NBEA: variants seen among roughly 807,000 people sequenced by gnomAD.
The protein encoded by NBEA is lysosomal-trafficking regulator 2.
Under a neutral mutation model 343.4 loss-of-function variants are expected in NBEA, and 44 were observed. The observed-to-expected ratio is 0.13, with a 90% CI of 0.10 to 0.16. The LOEUF is 0.16. Among genes scored for constraint, NBEA ranks in the 10% least tolerant of loss-of-function variants. The pLI, the probability that NBEA is intolerant of heterozygous loss-of-function variation, is 1.00. For missense variants in NBEA, 2,555 were observed against 3,631.3 expected (o/e 0.70, Z 7.62); for synonymous variants, 1,175 against 1,238.7 (o/e 0.95, Z 1.08).
intron 41 of NBEA, among the ~76,000 whole-genome samples, chr13:35,545,430 G>C (rs531125693): frequency 6.6e-6 from 1 of 152,270 alleles, no homozygotes; most frequent in East Asian, 1.9e-4. Context: ...GTGCCTGTGA[G>C]CAGAGCAGGG....
intron 1 of NBEA, among the ~76,000 whole-genome samples, chr13:35,027,501 T>G (rs1423203723): frequency 9.2e-5 from 14 of 152,052 alleles, no homozygotes; most frequent in Admixed American, 3.9e-4. Flanking sequence ...TTTGATCAAA[T>G]GCGTGTTCAT....
chr13:35,459,540 G>C (rs907028969), intron 40 of NBEA, among the ~76,000 whole-genome samples: 3 of 151,522 alleles, frequency 2.0e-5, no homozygotes, highest in African/African-American at 7.3e-5. Flanking sequence ...CACTACCTCT[G>C]GGTAACTCAA....
chr13:35,171,252 A>T lies in NBEA; in HGVS notation c.4243-20A>T, dbSNP rs775318677. ...ATTTCCAAATTTTAAACAAGACTTA[A>T]ATCTTCTACTTTTTTAAAGACGGAA... On this transcript the variant is annotated intron_variant, in intron 25 of 58. Coordinates refer to ENST00000379939, the MANE Select transcript of NBEA (RefSeq NM_001385012.1). The T allele has an allele frequency of 6.2e-7, 1 of 1,602,572 alleles. No individual in the cohort carries two copies. Among genetic ancestry groups the T allele is most frequent in the South Asian group, 1.1e-5 (1 of 90,082 alleles).
At position 35,159,582 on chromosome 13, in the gene NBEA, A is replaced by G; in HGVS notation, c.3411A>G (p.Glu1137=). 1 of 1,612,408 alleles carries G rather than the reference A, an allele frequency of 6.2e-7. No individual in the cohort carries two copies. The highest frequency in any genetic ancestry group is 1.1e-5 in the South Asian group (1 of 90,952). ...TGATAACATTAGCAGATGAGAAAGA[A>G]GACCTTCCCAATAGTAGTACATCAT... ...GPLITLADEK[E]DLPNSSTSFL... is the part of the protein sequence containing the mutation. The change falls in exon 22 of 59, where the codon GAA becomes GAG. Residue 1137 remains glutamate (E), a synonymous_variant. Coordinates refer to ENST00000379939, the MANE Select transcript of NBEA (RefSeq NM_001385012.1).
rs375385566 is a variant in NBEA at position 35,650,457 on chromosome 13, G to A, written c.7963+610G>A. On this transcript the variant is annotated intron_variant, in intron 52 of 58. Transcript: ENST00000379939. ...AGTACCAGCCAGTACATCTTGAAGCGACATAACGTTGTGGCAAACATTTAG... is the reference window on the plus strand; with the variant it reads ...AGTACCAGCCAGTACATCTTGAAGCAACATAACGTTGTGGCAAACATTTAG... Among the ~76,000 whole-genome samples the A allele has an allele frequency of 2.2e-4, 34 of 152,208 alleles. No homozygotes were observed. In the South Asian group the frequency reaches 6.9e-3, roughly 31 times the overall value.
At chr13:35,067,417 CT>C (rs1373298332) in intron 8 of NBEA, among the ~76,000 whole-genome samples, 1 of 152,024 alleles carries the variant, frequency 6.6e-6, no homozygotes, top group Non-Finnish European at 1.5e-5. Flanking sequence ...TTCTTTTCTT[CT>C]TTTAAAATAA....
At chr13:35,404,478 T>C (rs1473647391) in intron 38 of NBEA, among the ~76,000 whole-genome samples, 2 of 151,366 alleles carry the variant, frequency 1.3e-5, no homozygotes, top group Non-Finnish European at 2.9e-5. Flanking sequence ...TTGGAAACCA[T>C]CATTCTCAGT....
intron 34 of NBEA, among the ~76,000 whole-genome samples, chr13:35,264,297 T>C (rs566169402): frequency 1.3e-5 from 2 of 152,060 alleles, no homozygotes; most frequent in East Asian, 3.9e-4. Context: ...GCCCAGGATC[T>C]GATGGCTTTT....
chr13:35,448,701 G>A (rs1202578437), intron 39 of NBEA, among the ~76,000 whole-genome samples: 2 of 152,178 alleles, frequency 1.3e-5, no homozygotes, highest in Admixed American at 6.5e-5. Flanking sequence ...GGGTTTACGA[G>A]GTATGGTGGA....
intron 17 of NBEA, among the ~76,000 whole-genome samples, chr13:35,138,063 A>G (rs998658882): frequency 1.3e-5 from 2 of 152,178 alleles, no homozygotes; most frequent in African/African-American, 4.8e-5. Flanking sequence ...GAAGGAAAAA[A>G]TGGGTCACAG....
Position 34,986,196 on chromosome 13 carries a change from A to G in NBEA, c.294+43082A>G, listed in dbSNP as rs2060540025. ...TAGTGCTATAAATTTCCCTCTACAC[A>G]CTGCTTTAAATGTGCCACTGAGATT... is the stretch of plus-strand genomic sequence containing the variant. On this transcript the variant is annotated intron_variant, in intron 1 of 58. Transcript: ENST00000379939. Among the ~76,000 whole-genome samples the G allele has an allele frequency of 2.7e-5, 4 of 148,468 alleles. No homozygotes were observed. The South Asian group carries it at 8.8e-4, about 33-fold the overall frequency.
At chr13:35,609,191 A>T (rs1444095633) in intron 48 of NBEA, among the ~76,000 whole-genome samples, 3 of 152,194 alleles carry the variant, frequency 2.0e-5, no homozygotes, top group Admixed American at 6.5e-5. Context: ...TTAATTTGCT[A>T]ATGTTTACTG....
intron 33 of NBEA, among the ~76,000 whole-genome samples, chr13:35,217,779 T>C (rs2074145650): frequency 6.6e-6 from 1 of 152,214 alleles, no homozygotes; most frequent in Middle Eastern, 3.4e-3. Context: ...CCTTTCTGGC[T>C]GGAGGGAATA....
At chr13:35,367,451 G>T (rs556968212) in intron 38 of NBEA, among the ~76,000 whole-genome samples, 1 of 150,748 alleles carries the variant, frequency 6.6e-6, no homozygotes, top group East Asian at 1.9e-4. Context: ...TATTTTAACA[G>T]GCTTTCAAGT....
intron 36 of NBEA, among the ~76,000 whole-genome samples, chr13:35,315,940 A>G (rs1156834825): frequency 6.6e-6 from 1 of 152,104 alleles, no homozygotes; most frequent in African/African-American, 2.4e-5. Context: ...AAACCAAAAA[A>G]AACTTCCAAA....
chr13:34,943,991 AAAG>A (rs2059114663), intron 1 of NBEA, among the ~76,000 whole-genome samples: 1 of 152,252 alleles, frequency 6.6e-6, no homozygotes, highest in Non-Finnish European at 1.5e-5. Flanking sequence ...AAAGAAATGG[AAAG>A]AAGGAGAGGA....
chr13:35,081,852 G>A (rs2064420952), intron 10 of NBEA, among the ~76,000 whole-genome samples: 1 of 151,972 alleles, frequency 6.6e-6, no homozygotes, highest in African/African-American at 2.4e-5. Flanking sequence ...CATAGAATGT[G>A]TAATGACCAA....
chr13:35,408,222 G>A lies in NBEA; in HGVS notation c.6180-24047G>A, dbSNP rs558503680. ...TAAAACCAGATACATACCACTATTT[G>A]ATCTTTGATGAACCTGACAAAAGCA... On this transcript the variant is annotated intron_variant, in intron 38 of 58. Transcript: ENST00000379939. Among the ~76,000 whole-genome samples, 6 of 152,208 alleles carry A rather than the reference G, an allele frequency of 3.9e-5. No individual in the cohort carries two copies. In the South Asian group the frequency reaches 1.0e-3, roughly 26 times the overall value.
chr13:35,060,268 A>C (rs1316935190), intron 8 of NBEA, among the ~76,000 whole-genome samples: 1 of 151,894 alleles, frequency 6.6e-6, no homozygotes. Context: ...CTTCCTGGCA[A>C]CATCAAGGAA....
Sources: gnomAD v4.1 joint callset for allele counts (sites outside exome capture counted in the v4.1 genomes callset) on GRCh38, gnomAD v4.1.1 for gene constraint, MANE v1.5 for transcripts, NCBI Gene and HGNC (gene_info 2026-07-23, HGNC 2026-07-21) for gene names.